DNAH9: variants seen among roughly 807,000 people sequenced by gnomAD.
The protein encoded by DNAH9 is dynein axonemal heavy chain 9.
In DNAH9, 345 loss-of-function variants were observed where a neutral mutation model predicts 471.6. The ratio of observed to expected loss-of-function variants is 0.73; its 90% CI spans 0.67 to 0.80. The LOEUF (loss-of-function observed/expected upper bound fraction) is 0.80. Among genes scored for constraint, DNAH9 ranks in the 30% least tolerant of loss-of-function variants. DNAH9 has a pLI of 0.00. For missense variants in DNAH9, 5,407 were observed against 5,609.2 expected, an observed-to-expected ratio of 0.96 and a Z score of 1.15; for synonymous variants, 2,093 against 2,123.6, an observed-to-expected ratio of 0.99 and a Z score of 0.40.
intron 29 of DNAH9, among the ~76,000 whole-genome samples, chr17:11,740,391 T>C (rs1397813712): frequency 6.6e-6 from 1 of 152,162 alleles, no homozygotes; most frequent in Non-Finnish European, 1.5e-5. Context: ...AAAAGCAGGG[T>C]GCCAGCACGG....
intron 32 of DNAH9, among the ~76,000 whole-genome samples, chr17:11,749,070 TTTTGTTTTTTTTTTTG>T (rs1279790816): frequency 0.08 from 2,290 of 28,488 alleles, 179 homozygotes; most frequent in East Asian, 0.35. Flanking sequence ...GAGGGTTTTT[TTTTGTTTTTTTTTTTG>T]TTTTTTTTTT....
chr17:11,787,577 G>T (rs1280933310), intron 41 of DNAH9, among the ~76,000 whole-genome samples: 5 of 152,106 alleles, frequency 3.3e-5, no homozygotes, highest in Non-Finnish European at 7.4e-5. Context: ...TTGATCCCAG[G>T]CTCAGTAATT....
intron 50 of DNAH9, among the ~76,000 whole-genome samples, chr17:11,860,162 C>A (rs1300449052): frequency 6.6e-6 from 1 of 152,180 alleles, no homozygotes; most frequent in Non-Finnish European, 1.5e-5. Context: ...CTATATTGTT[C>A]ATAACAGATC....
In DNAH9 at chr17:11,636,642, C is replaced by T. The variant is rs777181049; in HGVS notation, c.1644C>T (p.Asp548=). The change falls in exon 9 of 69, where the codon GAC becomes GAT. Residue 548 remains aspartate, a synonymous_variant. Transcript: ENST00000262442. ...PGLEHAFKLL[D]IAGNLLERPL... Reference sequence around the variant, plus strand: ...CTCCACCTTCCCTACAGCTGCTAGACATAGCAGGAAACCTCCTTGAAAGAC... The same window carrying T: ...CTCCACCTTCCCTACAGCTGCTAGATATAGCAGGAAACCTCCTTGAAAGAC... The T allele has an allele frequency of 1.9e-6, 3 of 1,613,132 alleles. No individual in the cohort carries two copies. In the South Asian group the frequency reaches 3.3e-5, roughly 18 times the overall value.
chr17:11,602,768 CT>C (rs2072412884), intron 1 of DNAH9, among the ~76,000 whole-genome samples: 1 of 152,174 alleles, frequency 6.6e-6, no homozygotes, highest in Admixed American at 6.5e-5. Context: ...TAAGCAGCCC[CT>C]CCCATGGCCA....
At chr17:11,674,374 T>A in intron 17 of DNAH9, among the ~76,000 whole-genome samples, 1 of 152,204 alleles carries the variant, frequency 6.6e-6, no homozygotes, top group East Asian at 1.9e-4. Context: ...GATAAATTGT[T>A]CAATCCTGGC....
rs538977205 is a variant in DNAH9 at position 11,887,876 on chromosome 17, C to T, written c.11112+911C>T. On this transcript the variant is annotated intron_variant, in intron 57 of 68. Transcript: ENST00000262442. ...ATGAGAAATCAGAAGGCCTCCAGTT[C>T]CTGGGGCTCATTTGATTGAAGATGG... 2.0e-5 allele frequency among the ~76,000 whole-genome samples: 3 copies of T among 152,112 alleles called. No homozygotes were observed. The East Asian group carries it at 5.8e-4, about 29-fold the overall frequency.
chr17:11,608,588 G>A (rs1457351726), intron 2 of DNAH9, among the ~76,000 whole-genome samples: 1 of 152,082 alleles, frequency 6.6e-6, no homozygotes, highest in Non-Finnish European at 1.5e-5. Flanking sequence ...ATCATTTCAG[G>A]GCTGAGCGCA....
intron 38 of DNAH9, 22 bp from the exon 39 acceptor site, chr17:11,780,987 C>T: frequency 6.2e-7 from 1 of 1,609,610 alleles, no homozygotes; most frequent in African/African-American, 1.3e-5. Flanking sequence ...CGCCTTCCCT[C>T]ACCGACTGGC....
At chr17:11,661,378 A>G (rs950180094) in intron 14 of DNAH9, among the ~76,000 whole-genome samples, 1 of 152,242 alleles carries the variant, frequency 6.6e-6, no homozygotes, top group African/African-American at 2.4e-5. Context: ...TAAGTCTAAC[A>G]ACTCTGCCTA....
At chr17:11,840,404 TTTAA>T (rs1433309768) in intron 49 of DNAH9, among the ~76,000 whole-genome samples, 43 of 152,374 alleles carry the variant, frequency 2.8e-4, no homozygotes, top group African/African-American at 8.4e-4. Context: ...CTGCATTCTA[TTTAA>T]TTATTTATCT....
intron 27 of DNAH9, among the ~76,000 whole-genome samples, chr17:11,721,990 A>G (rs982763426): frequency 3.9e-5 from 6 of 152,142 alleles, no homozygotes; most frequent in Admixed American, 6.5e-5. Flanking sequence ...TGTCAGCTTT[A>G]AAGCCATGAC....
rs1973072365 is a variant in DNAH9, at chr17:11,892,125, T to C, written c.11283+178T>C. Reference sequence around the variant, plus strand: ...TGGTGTGTGCATCTGCCCCCACCATTTCCCACTTATGGCAGACATACTTAA... The same window carrying C: ...TGGTGTGTGCATCTGCCCCCACCATCTCCCACTTATGGCAGACATACTTAA... On this transcript the variant is annotated intron_variant, in intron 58 of 68. Transcript: ENST00000262442. This position sits in a 1 kb window ranked among gnomAD's most constrained non-coding sequence, Gnocchi z 4.3. 6.6e-6 allele frequency among the ~76,000 whole-genome samples: 1 copy of C among 152,164 alleles called. No homozygotes were observed. The highest frequency in any genetic ancestry group is 1.5e-5 in the Non-Finnish European group (1 of 68,026).
At chr17:11,823,750 T>C (rs1277074548) in intron 48 of DNAH9, among the ~76,000 whole-genome samples, 1 of 151,932 alleles carries the variant, frequency 6.6e-6, no homozygotes, top group Non-Finnish European at 1.5e-5. Flanking sequence ...GCCAACATGG[T>C]GAAACTCCAT....
intron 53 of DNAH9, among the ~76,000 whole-genome samples, chr17:11,877,273 G>T (rs1051227892): frequency 6.6e-6 from 1 of 151,342 alleles, no homozygotes; most frequent in African/African-American, 2.4e-5. Context: ...AGGAGTTCAA[G>T]ATCAGCCTGG....
intron 50 of DNAH9, among the ~76,000 whole-genome samples, chr17:11,862,628 G>A (rs1971901338): frequency 1.3e-5 from 2 of 152,094 alleles, no homozygotes; most frequent in South Asian, 2.1e-4. Context: ...CCATTTTCAC[G>A]ATATTAATTC....
chr17:11,935,596 G>A (rs551663980), intron 65 of DNAH9, among the ~76,000 whole-genome samples: 81 of 151,178 alleles, frequency 5.4e-4, no homozygotes, highest in African/African-American at 1.9e-3. Context: ...GGCTGGTCTC[G>A]AACTCCTGAC....
At chr17:11,808,200 T>C (rs1969762831) in intron 44 of DNAH9, among the ~76,000 whole-genome samples, 1 of 152,126 alleles carries the variant, frequency 6.6e-6, no homozygotes, top group Non-Finnish European at 1.5e-5. Flanking sequence ...TCACTGGCAG[T>C]GGGAGCAGAC....
intron 12 of DNAH9, among the ~76,000 whole-genome samples, chr17:11,649,684 AG>A (rs1368705984): frequency 1.3e-5 from 2 of 152,224 alleles, no homozygotes; most frequent in Admixed American, 1.3e-4. Context: ...TTCTTCAAAT[AG>A]TTTCCAGACT....
Sources: gnomAD v4.1 joint callset for allele counts (sites outside exome capture counted in the v4.1 genomes callset) on GRCh38, gnomAD v4.1.1 for gene constraint, Gnocchi (gnomAD v3.1) non-coding constraint, MANE v1.5 for transcripts, NCBI Gene and HGNC (gene_info 2026-07-23, HGNC 2026-07-21) for gene names.